Variants in HIPK2 observed in about 807,000 individuals in gnomAD.
HIPK2 encodes the protein homeodomain-interacting protein kinase 2.
HIPK2 carries 27 observed loss-of-function variants against 113.7 expected under a neutral mutation model. That is an observed-to-expected ratio of 0.24 (90% confidence interval 0.17 to 0.33). HIPK2 has a LOEUF of 0.33. HIPK2 is among the 10% of genes least tolerant of loss of function. HIPK2 has a pLI of 1.00. For missense variants in HIPK2, 1,257 were observed against 1,588.0 expected (o/e 0.79, Z 3.54); for synonymous variants, 631 against 642.2 (o/e 0.98, Z 0.26).
At position 139,583,889 on chromosome 7, in the gene HIPK2, G is replaced by C; in HGVS notation, c.2893C>G (p.Arg965Gly). ...TTCAGGGGTGGCACGATGATGGTTC[G>C]GGGGTTCCCCGTGCAGTGATTCTCC... ...SLENHCTGNP[R>G]TIIVPPLKTQ... is the part of the protein sequence containing the mutation. Residue 965 changes from arginine to glycine, a missense_variant, in exon 13 of 15, where the codon CGA becomes GGA. This residue lies in a region of HIPK2 where 862 missense variants were observed against 1,004.3 expected (regional missense o/e 0.86). Coordinates refer to ENST00000406875, the MANE Select transcript of HIPK2 (RefSeq NM_022740.5). The C allele has an allele frequency of 3.1e-6, 5 of 1,613,786 alleles. No homozygotes were observed. The highest frequency in any genetic ancestry group is 4.2e-6 in the Non-Finnish European group (5 of 1,179,832).
At chr7:139,741,858 A>G (rs1394610844) in intron 1 of HIPK2, among the ~76,000 whole-genome samples, 1 of 152,254 alleles carries the variant, frequency 6.6e-6, no homozygotes, top group Non-Finnish European at 1.5e-5. Flanking sequence ...GGTATGATGA[A>G]AAATGTCAGA....
At chr7:139,581,546 G>T (rs1016465518) in intron 13 of HIPK2, among the ~76,000 whole-genome samples, 3 of 152,258 alleles carry the variant, frequency 2.0e-5, no homozygotes, top group Admixed American at 6.5e-5. Context: ...GCCACAGGAG[G>T]GGGTGAGTAT....
At chr7:139,595,420 G>C (rs1424377789) in intron 12 of HIPK2, among the ~76,000 whole-genome samples, 1 of 152,202 alleles carries the variant, frequency 6.6e-6, no homozygotes, top group East Asian at 1.9e-4. Flanking sequence ...AAAGGGACCT[G>C]AGGCCATTTC....
In HIPK2 at chr7:139,620,515, A is replaced by C; in HGVS notation, c.1668T>G (p.Asn556Lys). 6.2e-7 allele frequency: 1 copy of C among 1,614,022 alleles called. No homozygotes were observed. Among genetic ancestry groups the C allele is most frequent in the Non-Finnish European group, 8.5e-7 (1 of 1,180,008 alleles). Residue 556 changes from asparagine (N) to lysine (K), a missense_variant, in exon 7 of 15, where the codon AAT becomes AAG. Asn to Lys is a moderately conservative substitution (Grantham distance 94). This residue lies in a region of HIPK2 where 862 missense variants were observed against 1,004.3 expected (regional missense o/e 0.86). Coordinates refer to ENST00000406875, the MANE Select transcript of HIPK2 (RefSeq NM_022740.5). ...TGCTCTGGTTCACCGTGTCATACAT[A>C]TTCACCCGACGCTTGCAGATCTCCA... ...QNMEICKRRVNMYDTVNQSKT... is the reference protein window; with the variant it reads ...QNMEICKRRVKMYDTVNQSKT...
chr7:139,673,779 G>A (rs939476109), intron 2 of HIPK2, among the ~76,000 whole-genome samples: 13 of 151,316 alleles, frequency 8.6e-5, no homozygotes, highest in African/African-American at 3.2e-4. Flanking sequence ...AGGGCGTGGT[G>A]GCTCACATCT....
At chr7:139,695,892 C>T (rs953449864) in intron 2 of HIPK2, among the ~76,000 whole-genome samples, 5 of 152,296 alleles carry the variant, frequency 3.3e-5, no homozygotes, top group Admixed American at 3.3e-4. Flanking sequence ...GGGGAAGGGC[C>T]TAGTTCTGAT....
In HIPK2 at chr7:139,570,921, G is replaced by C. The variant is rs1446876790; in HGVS notation, c.*2006C>G. 6.6e-6 allele frequency: 1 copy of C among 152,174 alleles called. No homozygotes were observed. The highest frequency in any genetic ancestry group is 1.5e-5 in the Non-Finnish European group (1 of 68,042). The allele number at this position is 152,174 out of a possible 1,614,324, so 9.4% of individuals were successfully genotyped here. ...ATATTTCAGAGTTATTTACTATGAA[G>C]AGAGGGAACTCCCCACTTCTCCACA... is the stretch of plus-strand genomic sequence containing the variant. On this transcript the variant is annotated 3_prime_UTR_variant, in exon 15 of 15. Coordinates refer to ENST00000406875, the MANE Select transcript of HIPK2 (RefSeq NM_022740.5).
chr7:139,615,695 A>G (rs1213682135), intron 7 of HIPK2, among the ~76,000 whole-genome samples: 1 of 152,258 alleles, frequency 6.6e-6, no homozygotes, highest in East Asian at 1.9e-4. Context: ...TATCTTGGAC[A>G]CAAATAGAAT....
intron 2 of HIPK2, among the ~76,000 whole-genome samples, chr7:139,649,873 C>A (rs1485164534): frequency 6.6e-6 from 1 of 152,106 alleles, no homozygotes; most frequent in African/African-American, 2.4e-5. Context: ...CCTAGGAATA[C>A]CCCTGGAAGC....
intron 2 of HIPK2, among the ~76,000 whole-genome samples, chr7:139,710,511 T>C (rs544325603): frequency 5.9e-5 from 9 of 152,340 alleles, no homozygotes; most frequent in South Asian, 2.1e-4. Flanking sequence ...ATTTAAAATA[T>C]TGAAGCATCA....
intron 9 of HIPK2, among the ~76,000 whole-genome samples, chr7:139,610,981 G>A (rs112955667): frequency 0.012 from 1,762 of 152,296 alleles, 32 homozygotes; most frequent in African/African-American, 0.04. Flanking sequence ...ATATCAATTC[G>A]TTGCAAGATC....
chr7:139,748,609 T>C lies in HIPK2; in HGVS notation c.19+28996A>G, dbSNP rs1382803306. On this transcript the variant is annotated intron_variant, in intron 1 of 14. Transcript: ENST00000406875. ...ATGAGCCATGGTCCCTGTGGGCGTG[T>C]CTGTGTCTGAATTTCCCCTTCCTAT... Among the ~76,000 whole-genome samples the C allele has an allele frequency of 2.0e-5, 3 of 152,028 alleles. No individual in the cohort carries two copies. The East Asian group carries it at 5.8e-4, about 29-fold the overall frequency.
chr7:139,577,431 C>T (rs1569442629), intron 13 of HIPK2, among the ~76,000 whole-genome samples: 3 of 152,096 alleles, frequency 2.0e-5, no homozygotes, highest in Admixed American at 1.3e-4. Flanking sequence ...GGATTACAGG[C>T]GTGAGCCACC....
intron 1 of HIPK2, among the ~76,000 whole-genome samples, chr7:139,737,409 A>G (rs1270575169): frequency 6.6e-6 from 1 of 152,230 alleles, no homozygotes; most frequent in East Asian, 1.9e-4. Flanking sequence ...TCTGTTTTCC[A>G]TACCTACTCA....
intron 2 of HIPK2, among the ~76,000 whole-genome samples, chr7:139,693,391 C>A (rs1794468698): frequency 6.6e-6 from 1 of 152,222 alleles, no homozygotes; most frequent in Admixed American, 6.5e-5. Flanking sequence ...GAACACATTT[C>A]ATCACATTTA....
intron 1 of HIPK2, among the ~76,000 whole-genome samples, chr7:139,772,985 C>T (rs1160379745): frequency 9.2e-5 from 14 of 151,888 alleles, no homozygotes; most frequent in Admixed American, 9.2e-4. Flanking sequence ...TTGAATCAGA[C>T]CCATGGTCTA....
chr7:139,629,100 A>G (rs1003487027), intron 4 of HIPK2, 61 bp from the exon 5 acceptor site: 5 of 1,384,970 alleles, frequency 3.6e-6, no homozygotes, highest in Non-Finnish European at 5.0e-6. Flanking sequence ...CTGGGACTCA[A>G]GCCTTGGAAC....
chr7:139,775,841 C>T (rs1325689792), intron 1 of HIPK2, among the ~76,000 whole-genome samples: 2 of 152,108 alleles, frequency 1.3e-5, no homozygotes, highest in Non-Finnish European at 2.9e-5. Context: ...AGTGCAGTTC[C>T]CAAGATGGCT....
At chr7:139,767,447 C>T (rs941078701) in intron 1 of HIPK2, among the ~76,000 whole-genome samples, 1 of 152,158 alleles carries the variant, frequency 6.6e-6, no homozygotes, top group Non-Finnish European at 1.5e-5. Flanking sequence ...GGTAAGGGAG[C>T]CTGGCTCTGT....
Sources: gnomAD v4.1 joint callset for allele counts (sites outside exome capture counted in the v4.1 genomes callset) on GRCh38, gnomAD v4.1.1 for gene constraint, gnomAD v4.1.1 regional missense constraint, MANE v1.5 for transcripts, NCBI Gene and HGNC (gene_info 2026-07-23, HGNC 2026-07-21) for gene names.